SREK1IP1: variants seen among roughly 807,000 people sequenced by gnomAD.
The protein encoded by SREK1IP1 is protein SREK1IP1.
In SREK1IP1, 12 loss-of-function variants were observed where a neutral mutation model predicts 22.8. That is an observed-to-expected ratio of 0.53 (90% CI 0.34 to 0.85). The LOEUF is 0.85. Among genes scored for constraint, SREK1IP1 ranks in the 40% least tolerant of loss-of-function variants. The probability of loss-of-function intolerance (pLI) is 0.02; values close to 1 mark genes in which losing one functional copy is unlikely to be tolerated. For synonymous variants in SREK1IP1, 53 were observed against 52.7 expected (o/e 1.01, Z -0.02); for missense variants, 147 against 171.8 (o/e 0.86, Z 0.81).
intron 2 of SREK1IP1, among the ~76,000 whole-genome samples, chr5:64,748,843 T>A (rs1010073993): frequency 3.3e-5 from 5 of 152,078 alleles, no homozygotes; most frequent in African/African-American, 1.2e-4. Context: ...AGTAATCGGG[T>A]GCCAGAACCA....
intron 3 of SREK1IP1, among the ~76,000 whole-genome samples, chr5:64,729,755 C>T (rs184190797): frequency 2.0e-5 from 3 of 152,212 alleles, no homozygotes; most frequent in African/African-American, 2.4e-5. Flanking sequence ...TCAAGGATGA[C>T]CACCAGGTTT....
At chr5:64,752,727 C>A (rs532564044) in intron 2 of SREK1IP1, among the ~76,000 whole-genome samples, 2 of 152,218 alleles carry the variant, frequency 1.3e-5, no homozygotes, top group East Asian at 3.9e-4. Context: ...TATTTCAAAT[C>A]ATCTTCTTGA....
intron 2 of SREK1IP1, among the ~76,000 whole-genome samples, chr5:64,745,989 G>A (rs2112100809): frequency 6.6e-6 from 1 of 152,256 alleles, no homozygotes; most frequent in South Asian, 2.1e-4. Context: ...TAAATCTATA[G>A]CAATCAAAGC....
chr5:64,746,334 G>C (rs1742636804), intron 2 of SREK1IP1, among the ~76,000 whole-genome samples: 1 of 152,066 alleles, frequency 6.6e-6, no homozygotes, highest in South Asian at 2.1e-4. Flanking sequence ...AACACCAAAA[G>C]CACAAGCAAC....
chr5:64,764,277 G>A (rs1458660099), intron 1 of SREK1IP1, among the ~76,000 whole-genome samples: 1 of 152,170 alleles, frequency 6.6e-6, no homozygotes, highest in Non-Finnish European at 1.5e-5. Context: ...TGCAACCACA[G>A]CTGTAATCCA....
chr5:64,730,911 G>T (rs1175937187), intron 3 of SREK1IP1, among the ~76,000 whole-genome samples: 1 of 151,960 alleles, frequency 6.6e-6, no homozygotes, highest in Non-Finnish European at 1.5e-5. Context: ...AAGGAGTAAG[G>T]CAGTTACAGA....
chr5:64,747,294 A>T (rs1396156977), intron 2 of SREK1IP1, among the ~76,000 whole-genome samples: 4 of 152,190 alleles, frequency 2.6e-5, no homozygotes, highest in Admixed American at 2.6e-4. Flanking sequence ...CCAACTTTCT[A>T]ATCACATGGA....
chr5:64,728,485 G>A (rs1328321094), intron 3 of SREK1IP1, among the ~76,000 whole-genome samples: 2 of 152,098 alleles, frequency 1.3e-5, no homozygotes, highest in African/African-American at 2.4e-5. Flanking sequence ...TTAAAAAGCA[G>A]AACACTACAA....
chr5:64,758,424 T>C (rs925356750), intron 1 of SREK1IP1, among the ~76,000 whole-genome samples: 1 of 151,534 alleles, frequency 6.6e-6, no homozygotes, highest in Non-Finnish European at 1.5e-5. Context: ...CATTGTACTC[T>C]AATCCCATTG....
intron 2 of SREK1IP1, among the ~76,000 whole-genome samples, chr5:64,746,823 A>G (rs1412250157): frequency 1.3e-5 from 2 of 152,194 alleles, no homozygotes; most frequent in African/African-American, 4.8e-5. Context: ...CAGACCCACA[A>G]GACTATTCCC....
intron 1 of SREK1IP1, among the ~76,000 whole-genome samples, chr5:64,764,782 A>G (rs1191300514): frequency 2.6e-5 from 4 of 152,212 alleles, no homozygotes; most frequent in Admixed American, 6.5e-5. Context: ...CAGGAAAATT[A>G]TTTTAGCAGC....
At chr5:64,728,649 CAT>C (rs1742317580) in intron 3 of SREK1IP1, among the ~76,000 whole-genome samples, 1 of 152,174 alleles carries the variant, frequency 6.6e-6, no homozygotes, top group South Asian at 2.1e-4. Context: ...CTCATACACA[CAT>C]AGTTGCATAT....
chr5:64,752,433 G>T (rs1008536498), intron 2 of SREK1IP1, among the ~76,000 whole-genome samples: 1 of 152,100 alleles, frequency 6.6e-6, no homozygotes, highest in African/African-American at 2.4e-5. Flanking sequence ...TTACAGGCGT[G>T]AGCCACCATG....
In SREK1IP1 at chr5:64,724,542, T is replaced by C; in HGVS notation, c.310A>G (p.Thr104Ala). The stretch of plus-strand genomic sequence containing the variant: ...TATTTTTGTTTCTTTTGTTTTGAAG[T>C]GTCCTCTTCAGTGGAACTGGATGAG... The part of the protein sequence containing the change: ...SYSSSSTEED[T>A]SKQKKQKYQK... Residue 104 changes from threonine (T) to alanine (A), a missense_variant, in exon 5 of 5, where the codon ACT becomes GCT. By Grantham distance (58) the Thr-to-Ala change is moderately conservative. Transcript: ENST00000513458. The C allele has an allele frequency of 6.3e-7, 1 of 1,580,754 alleles. No homozygotes were observed. Among genetic ancestry groups the C allele is most frequent in the Non-Finnish European group, 8.5e-7 (1 of 1,171,496 alleles).
intron 2 of SREK1IP1, among the ~76,000 whole-genome samples, chr5:64,752,146 G>GTTTTTTTTTTTTTT (rs869277379): frequency 3.3e-5 from 2 of 61,058 alleles, no homozygotes; most frequent in Non-Finnish European, 3.0e-5. Flanking sequence ...TTTTTTGTGT[G>GTTTTTTTTTTTTTT]TTTTTTTTTT....
At position 64,718,848 on chromosome 5, in the gene SREK1IP1, C is replaced by T. The variant is rs1180766016; in HGVS notation, c.*5536G>A. The T allele has an allele frequency of 6.6e-6, 1 of 152,170 alleles. No homozygotes were observed. Among genetic ancestry groups the T allele is most frequent in the Non-Finnish European group, 1.5e-5 (1 of 68,016 alleles). The allele number at this position is 152,170 out of a possible 1,614,324, so 9.4% of individuals were successfully genotyped here. On this transcript the variant is annotated 3_prime_UTR_variant, in exon 5 of 5. Coordinates refer to ENST00000513458, the MANE Select transcript of SREK1IP1 (RefSeq NM_173829.4). ...GCTCTACTGAGCATATCTACTATGT[C>T]CTGTAGTTTTTGTAGTCAGAAACTA...
chr5:64,753,165 A>G (rs1446488543), intron 2 of SREK1IP1, among the ~76,000 whole-genome samples: 1 of 152,228 alleles, frequency 6.6e-6, no homozygotes, highest in African/African-American at 2.4e-5. Context: ...AGGTTAAAAG[A>G]AGTCCAAGTA....
At chr5:64,744,124 G>A (rs946885069) in intron 2 of SREK1IP1, among the ~76,000 whole-genome samples, 2 of 152,114 alleles carry the variant, frequency 1.3e-5, no homozygotes, top group Non-Finnish European at 2.9e-5. Flanking sequence ...CATTCCACCA[G>A]AAAAGGGAAG....
intron 1 of SREK1IP1, among the ~76,000 whole-genome samples, chr5:64,766,692 T>C (rs1743037430): frequency 1.3e-5 from 2 of 152,234 alleles, no homozygotes; most frequent in East Asian, 1.9e-4. Context: ...TCCTATACGA[T>C]GGCAAAATGA....
Sources: gnomAD v4.1 joint callset for allele counts (sites outside exome capture counted in the v4.1 genomes callset) on GRCh38, gnomAD v4.1.1 for gene constraint, MANE v1.5 for transcripts, NCBI Gene and HGNC (gene_info 2026-07-23, HGNC 2026-07-21) for gene names.